The following ZNF516 variants were observed in gnomAD, a reference collection of about 807,000 sequenced individuals.
ZNF516 encodes the protein zinc finger protein 516.
In ZNF516, 19 loss-of-function variants were observed where a neutral mutation model predicts 79.7. The ratio of observed to expected loss-of-function variants is 0.24; its 90% confidence interval spans 0.17 to 0.35. The LOEUF (loss-of-function observed/expected upper bound fraction) is 0.35, where lower values mean the gene tolerates loss of function less well. ZNF516 is among the 10% of genes least tolerant of loss of function. ZNF516 has a pLI of 1.00. For synonymous variants in ZNF516, 877 were observed against 739.5 expected (o/e 1.19, Z -3.02); for missense variants, 1,678 against 1,679.5 (o/e 1.00, Z 0.02).
chr18:76,374,647 C>A (rs778717565), intron 4 of ZNF516, among the ~76,000 whole-genome samples: 4 of 152,232 alleles, frequency 2.6e-5, no homozygotes, highest in Non-Finnish European at 4.4e-5. Context: ...CAGAATCACA[C>A]TTCTAGCACC....
At chr18:76,492,041 C>T in intron 1 of ZNF516, 1 of 450,176 alleles carries the variant, frequency 2.2e-6, no homozygotes, top group Non-Finnish European at 2.9e-6. Context: ...GACCTCGGTG[C>T]GGCCTGGTGG....
chr18:76,431,326 T>TTTC (rs1239922771), intron 3 of ZNF516, among the ~76,000 whole-genome samples: 1 of 152,110 alleles, frequency 6.6e-6, no homozygotes, highest in Non-Finnish European at 1.5e-5. Context: ...AAGTCTAAAC[T>TTTC]TATGAAATAA....
At position 76,379,475 on chromosome 18, in the gene ZNF516, G is replaced by A; in HGVS notation, c.2639C>T (p.Pro880Leu). 1 of 1,613,656 alleles carries A rather than the reference G, an allele frequency of 6.2e-7. No homozygotes were observed. Among genetic ancestry groups the A allele is most frequent in the Admixed American group, 1.7e-5 (1 of 60,034 alleles). The change falls in exon 4 of 7, where the codon CCC becomes CTC. Residue 880 changes from proline (P) to leucine (L), a missense_variant. By Grantham distance (98) the Pro-to-Leu change is moderately conservative. Coordinates refer to ENST00000443185, the MANE Select transcript of ZNF516 (RefSeq NM_014643.4). ...HSGGPCALWA[P>L]GPDGYRQTKP... Reference sequence around the variant, plus strand: ...GGTCTGTCGATACCCGTCAGGGCCGGGCGCCCACAGAGCGCAGGGACCTCC... The same window carrying A: ...GGTCTGTCGATACCCGTCAGGGCCGAGCGCCCACAGAGCGCAGGGACCTCC...
At chr18:76,404,448 T>C (rs527587430) in intron 3 of ZNF516, among the ~76,000 whole-genome samples, 2 of 147,476 alleles carry the variant, frequency 1.4e-5, no homozygotes, top group African/African-American at 2.7e-5. Context: ...AGAGTGTGCA[T>C]GTGTGTGAGC....
At chr18:76,366,746 G>T (rs1024744195) in intron 6 of ZNF516, among the ~76,000 whole-genome samples, 7 of 152,222 alleles carry the variant, frequency 4.6e-5, no homozygotes, top group African/African-American at 7.2e-5. Context: ...TAAATGACAA[G>T]AGGTCACACT....
At chr18:76,387,556 A>C (rs2075012679) in intron 3 of ZNF516, 1 of 152,258 alleles carries the variant, frequency 6.6e-6, no homozygotes, top group East Asian at 1.9e-4. Flanking sequence ...AAAGTCACTC[A>C]GTCACACAAA....
At chr18:76,400,602 C>T (rs1403282661) in intron 3 of ZNF516, among the ~76,000 whole-genome samples, 2 of 152,124 alleles carry the variant, frequency 1.3e-5, no homozygotes, top group African/African-American at 2.4e-5. Flanking sequence ...AGAGGGGTGA[C>T]CAAATGGAAT....
chr18:76,445,257 C>CAAAA (rs35777753), intron 2 of ZNF516, among the ~76,000 whole-genome samples: 2 of 139,434 alleles, frequency 1.4e-5, no homozygotes, highest in East Asian at 4.2e-4. Flanking sequence ...ACTCCATCTC[C>CAAAA]AAAAAAAAAA....
chr18:76,453,676 G>A (rs1242984721), intron 2 of ZNF516, among the ~76,000 whole-genome samples: 1 of 152,184 alleles, frequency 6.6e-6, no homozygotes. Flanking sequence ...TGTGGAAACT[G>A]TTAACTAATT....
intron 1 of ZNF516, among the ~76,000 whole-genome samples, chr18:76,494,548 G>C (rs1432559381): frequency 6.8e-6 from 1 of 146,466 alleles, no homozygotes; most frequent in Non-Finnish European, 1.5e-5. Flanking sequence ...GCAAGCAGCC[G>C]GGGAGGGGGC....
chr18:76,454,050 G>A (rs1912574968), intron 2 of ZNF516, among the ~76,000 whole-genome samples: 1 of 152,148 alleles, frequency 6.6e-6, no homozygotes, highest in Non-Finnish European at 1.5e-5. Flanking sequence ...TTTTGTGAAA[G>A]ACCCTAGAAG....
intron 3 of ZNF516, among the ~76,000 whole-genome samples, chr18:76,391,043 G>A (rs1343770292): frequency 1.3e-5 from 2 of 152,146 alleles, no homozygotes; most frequent in African/African-American, 4.8e-5. Flanking sequence ...AGGGCCACGA[G>A]GGAAGGAACC....
At chr18:76,384,077 T>A (rs981222932) in intron 3 of ZNF516, among the ~76,000 whole-genome samples, 1 of 152,216 alleles carries the variant, frequency 6.6e-6, no homozygotes, top group African/African-American at 2.4e-5. Context: ...GTTCTCAGGT[T>A]CCTGAGTGCC....
chr18:76,490,385 G>A (rs1915099434), intron 1 of ZNF516, among the ~76,000 whole-genome samples: 1 of 152,144 alleles, frequency 6.6e-6, no homozygotes, highest in Non-Finnish European at 1.5e-5. Context: ...GTTACCTGAC[G>A]ACATAATCAA....
chr18:76,485,187 TA>T (rs552497742), intron 1 of ZNF516, among the ~76,000 whole-genome samples: 303 of 152,352 alleles, frequency 2.0e-3, no homozygotes, highest in African/African-American at 7.0e-3. Flanking sequence ...AACGTTAATT[TA>T]AATTATGCTT....
intron 2 of ZNF516, among the ~76,000 whole-genome samples, chr18:76,455,755 A>C (rs1327538795): frequency 6.7e-6 from 1 of 149,430 alleles, no homozygotes; most frequent in Non-Finnish European, 1.5e-5. Flanking sequence ...TGTGTCACAA[A>C]GAGTCTGCAC....
intron 1 of ZNF516, among the ~76,000 whole-genome samples, chr18:76,484,538 A>ACCAC (rs1914719669): frequency 6.6e-6 from 1 of 152,184 alleles, no homozygotes; most frequent in East Asian, 1.9e-4. Flanking sequence ...TTCATCACCT[A>ACCAC]CCACCTTGTA....
chr18:76,379,871 T>C lies in ZNF516; in HGVS notation c.2243A>G (p.Glu748Gly). 1 of 1,613,884 alleles carries C rather than the reference T, an allele frequency of 6.2e-7. No individual in the cohort carries two copies. The highest frequency in any genetic ancestry group is 8.5e-7 in the Non-Finnish European group (1 of 1,179,870). ...AGCCGCCTGCAGGGAGGAGGCCGTCTCCTTATTGCTGGGGTCATCCCGCGT... is the reference window on the plus strand; with the variant it reads ...AGCCGCCTGCAGGGAGGAGGCCGTCCCCTTATTGCTGGGGTCATCCCGCGT... Reference protein sequence around the residue: ...RSTRDDPSNKETASSLQAALV... With the variant: ...RSTRDDPSNKGTASSLQAALV... Residue 748 changes from glutamate (E) to glycine (G), a missense_variant, in exon 4 of 7, where the codon GAG becomes GGG. Physicochemically the swap from Glu to Gly is moderately conservative, Grantham distance 98. Transcript: ENST00000443185.
chr18:76,443,303 C>T (rs1403059256), intron 2 of ZNF516, 92 bp from the exon 3 acceptor site: 1 of 498,744 alleles, frequency 2.0e-6, no homozygotes. Flanking sequence ...CCAAAACATA[C>T]CCATCCAACC....
Sources: allele counts gnomAD v4.1 joint callset (sites outside exome capture counted in the v4.1 genomes callset), GRCh38; gene constraint gnomAD v4.1.1; transcripts MANE v1.5; gene names NCBI Gene and HGNC (gene_info 2026-07-23, HGNC 2026-07-21).